SPG11: variants seen among roughly 807,000 people sequenced by gnomAD.
The protein encoded by SPG11 is SPG11 vesicle trafficking associated, spatacsin.
A neutral mutation model predicts 274.0 loss-of-function variants in SPG11; 222 were observed. That is an observed-to-expected ratio of 0.81 (90% confidence interval 0.73 to 0.91). The LOEUF (loss-of-function observed/expected upper bound fraction) is 0.91, where lower values mean the gene tolerates loss of function less well. Among genes scored for constraint, SPG11 ranks in the 40% least tolerant of loss-of-function variants. SPG11 has a pLI of 0.00. For synonymous variants in SPG11, 1,144 were observed against 1,039.7 expected, an observed-to-expected ratio of 1.10 and a Z score of -1.93; for missense variants, 3,114 against 2,872.7, an observed-to-expected ratio of 1.08 and a Z score of -1.92.
intron 7 of SPG11, among the ~76,000 whole-genome samples, chr15:44,644,340 T>C (rs186018451): frequency 2.6e-5 from 4 of 152,096 alleles, no homozygotes; most frequent in Admixed American, 6.6e-5. Flanking sequence ...ACAAAAACCA[T>C]TGCTTGCTCC....
At chr15:44,628,945 AT>A (rs1432602828) in intron 9 of SPG11, 101 bp from the exon 10 acceptor site, 2 of 1,225,254 alleles carry the variant, frequency 1.6e-6, no homozygotes, top group Non-Finnish European at 2.4e-6. Flanking sequence ...CAAACTTGGT[AT>A]TTTTAAATTT....
intron 2 of SPG11, among the ~76,000 whole-genome samples, chr15:44,659,976 A>C (rs773424960): frequency 7.9e-5 from 12 of 152,160 alleles, no homozygotes; most frequent in Non-Finnish European, 1.6e-4. Context: ...TGGGACAATC[A>C]GTTGAACTGG....
At chr15:44,652,658 C>CT (rs200032491) in intron 4 of SPG11, among the ~76,000 whole-genome samples, 10,943 of 142,416 alleles carry the variant, frequency 0.077, 709 homozygotes, top group African/African-American at 0.18. Context: ...AGCTTTTTTT[C>CT]TTTTTTTTTT....
intron 20 of SPG11, among the ~76,000 whole-genome samples, chr15:44,604,965 TACATTTTCATA>T (rs1196489046): frequency 6.8e-6 from 1 of 146,376 alleles, no homozygotes; most frequent in Non-Finnish European, 1.5e-5. Flanking sequence ...AAAAAAGTAT[TACATTTTCATA>T]ACAGTTTCAT....
intron 30 of SPG11, among the ~76,000 whole-genome samples, chr15:44,581,615 T>G (rs1595839722): frequency 6.7e-6 from 1 of 148,194 alleles, no homozygotes. Flanking sequence ...AAAAAAAGGC[T>G]GGGCGTGGTG....
At chr15:44,599,845 C>A (rs2083138689) in intron 21 of SPG11, among the ~76,000 whole-genome samples, 1 of 152,038 alleles carries the variant, frequency 6.6e-6, no homozygotes, top group Admixed American at 6.6e-5. Context: ...GAATTCACAT[C>A]TCATCATATA....
In SPG11 at chr15:44,651,743, C is replaced by G; in HGVS notation, c.1204G>C (p.Asp402His). 1 of 1,614,202 alleles carries G rather than the reference C, an allele frequency of 6.2e-7. No individual in the cohort carries two copies. Among genetic ancestry groups the G allele is most frequent in the Non-Finnish European group, 8.5e-7 (1 of 1,180,042 alleles). ...CCTGGATCACTGGTCTTGGCATGATCTTTCTGTAGAACATTATATTGCCCA... is the reference window on the plus strand; with the variant it reads ...CCTGGATCACTGGTCTTGGCATGATGTTTCTGTAGAACATTATATTGCCCA... ...MHGQYNVLQK[D>H]HAKTSDPGRS... Residue 402 changes from aspartate to histidine, a missense_variant, in exon 6 of 40, where the codon GAT becomes CAT. Transcript: ENST00000261866.
At chr15:44,637,774 C>T (rs1043339153) in intron 7 of SPG11, among the ~76,000 whole-genome samples, 10 of 152,156 alleles carry the variant, frequency 6.6e-5, no homozygotes, top group African/African-American at 2.4e-4. Context: ...ATTTACTATG[C>T]TATACTTTCG....
At chr15:44,596,735 G>A (rs1363928811) in intron 24 of SPG11, 49 bp downstream of exon 24, 1 of 1,152,890 alleles carries the variant, frequency 8.7e-7, no homozygotes, top group Non-Finnish European at 1.2e-6. Flanking sequence ...TATCTTCTAA[G>A]AAGTGTTCCT....
At chr15:44,576,303 A>G (rs2082537621) in intron 30 of SPG11, among the ~76,000 whole-genome samples, 1 of 152,038 alleles carries the variant, frequency 6.6e-6, no homozygotes, top group Non-Finnish European at 1.5e-5. Context: ...TCAATAAAGC[A>G]TTATTCAAGC....
chr15:44,600,257 C>T (rs1474346928), intron 21 of SPG11: 20 of 532,702 alleles, frequency 3.8e-5, no homozygotes, highest in Admixed American at 9.3e-5. Flanking sequence ...TACAGATATG[C>T]CCTTTTTTAG....
chr15:44,617,931 C>T (rs2083631115), intron 15 of SPG11, among the ~76,000 whole-genome samples: 1 of 152,138 alleles, frequency 6.6e-6, no homozygotes, highest in Non-Finnish European at 1.5e-5. Context: ...CTACCTCAGC[C>T]TCCCAAAGTG....
chr15:44,661,495 C>G (rs1157065835), intron 1 of SPG11, among the ~76,000 whole-genome samples: 1 of 151,914 alleles, frequency 6.6e-6, no homozygotes, highest in Admixed American at 6.5e-5. Context: ...GTGGTACATA[C>G]ATGATTTAAT....
chr15:44,582,030 G>A (rs1430596616), intron 30 of SPG11, among the ~76,000 whole-genome samples: 1 of 152,136 alleles, frequency 6.6e-6, no homozygotes, highest in African/African-American at 2.4e-5. Context: ...CCCAAGATAA[G>A]AAAGATAACC....
Position 44,660,322 on chromosome 15 carries a change from T to G in SPG11, c.442+110A>C. 3 of 921,612 alleles carry G rather than the reference T, an allele frequency of 3.3e-6. No individual in the cohort carries two copies. The South Asian group carries it at 4.2e-5, about 13-fold the overall frequency. The allele number at this position is 921,612 out of a possible 1,614,324, so 57.1% of individuals were successfully genotyped here. A position where few individuals can be genotyped will look rare whatever the true frequency, so the allele number is the denominator to read the frequency against. ...AGCCCCATCTGCCTAGTGACTACTA[T>G]ATCAGACAGCGTAGACCTGATTTCA... On this transcript the variant is annotated intron_variant, in intron 2 of 39. Coordinates refer to ENST00000261866, the MANE Select transcript of SPG11 (RefSeq NM_025137.4).
intron 4 of SPG11, among the ~76,000 whole-genome samples, chr15:44,654,101 G>A (rs1186093303): frequency 1.3e-5 from 2 of 152,146 alleles, no homozygotes; most frequent in Non-Finnish European, 2.9e-5. Flanking sequence ...CCACAGGCAT[G>A]TACTACCATG....
intron 18 of SPG11, 113 bp from the exon 19 acceptor site, chr15:44,608,718 G>T: frequency 1.0e-6 from 1 of 990,952 alleles, no homozygotes; most frequent in Non-Finnish European, 1.5e-6. Flanking sequence ...GTATGTGGTA[G>T]TGAATATAGC....
intron 7 of SPG11, among the ~76,000 whole-genome samples, chr15:44,637,424 T>TA (rs1248198664): frequency 6.6e-6 from 1 of 152,204 alleles, no homozygotes; most frequent in African/African-American, 2.4e-5. Flanking sequence ...ACGATTCTCC[T>TA]ACCTCAGCCT....
In SPG11 at chr15:44,608,540, T is replaced by C; in HGVS notation, c.3357A>G (p.Ala1119=). ...TTTTTAGCTTGGGGTAAGGAGTTAA[T>C]GCCATCTTCAATAGCTGGGGATCCA... ...KKVDPQLLKM[A]LTPYPKLKTA... Residue 1119 remains alanine (A), a synonymous_variant, in exon 19 of 40, where the codon GCA becomes GCG. Coordinates refer to ENST00000261866, the MANE Select transcript of SPG11 (RefSeq NM_025137.4). 3 of 1,614,158 alleles carry C rather than the reference T, an allele frequency of 1.9e-6. No homozygotes were observed. Among genetic ancestry groups the C allele is most frequent in the South Asian group, 1.1e-5 (1 of 91,078 alleles).
Sources: allele counts gnomAD v4.1 joint callset (sites outside exome capture counted in the v4.1 genomes callset), GRCh38; gene constraint gnomAD v4.1.1; transcripts MANE v1.5; gene names NCBI Gene and HGNC (gene_info 2026-07-23, HGNC 2026-07-21).